Variants in PRR5 observed in about 807,000 individuals in gnomAD.
The protein encoded by PRR5 is proline rich 5.
A neutral mutation model predicts 30.6 loss-of-function variants in PRR5; 25 were observed. That is an observed-to-expected ratio of 0.82 (90% CI 0.60 to 1.14). PRR5 has a LOEUF of 1.14. Ranked by LOEUF, PRR5 falls within the 50% of genes most tolerant of loss-of-function variation. The pLI, the probability that PRR5 is intolerant of heterozygous loss-of-function variation, is 0.00. For missense variants in PRR5, 600 were observed against 547.1 expected, an observed-to-expected ratio of 1.10 and a Z score of -0.96; for synonymous variants, 286 against 247.1, an observed-to-expected ratio of 1.16 and a Z score of -1.48.
chr22:44,680,938 A>G (rs567893025), intron 1 of PRR5, among the ~76,000 whole-genome samples: 2 of 152,294 alleles, frequency 1.3e-5, no homozygotes, highest in South Asian at 2.1e-4. Flanking sequence ...TCGGACTACA[A>G]TGTGGTCTCC....
At chr22:44,701,907 G>C (rs569832865), upstream of PRR5, among the ~76,000 whole-genome samples, 2 of 151,648 alleles carry the variant, frequency 1.3e-5, no homozygotes, top group South Asian at 4.2e-4. Context: ...TCGTGTGGGC[G>C]CGACCGCAGT....
Position 44,732,310 on chromosome 22 carries a change from C to G in PRR5, c.474C>G (p.Leu158=). Residue 158 remains leucine (L), a synonymous_variant, in exon 6 of 8, where the codon CTC becomes CTG. Coordinates refer to ENST00000336985, the MANE Select transcript of PRR5 (RefSeq NM_181333.4). ...ALLHFRNAIT[L]SVKLEDALAR... is the part of the protein sequence containing the mutation. ...TGCACTTCCGGAATGCCATCACCCT[C>G]AGTGTGAAGCTAGAGGATGCGCTGG... 1 of 1,612,412 alleles carries G rather than the reference C, an allele frequency of 6.2e-7. No individual in the cohort carries two copies. Among genetic ancestry groups the G allele is most frequent in the Non-Finnish European group, 8.5e-7 (1 of 1,179,980 alleles).
intron 1 of PRR5, among the ~76,000 whole-genome samples, chr22:44,684,517 A>G (rs1234211896): frequency 1.3e-5 from 2 of 152,238 alleles, no homozygotes; most frequent in African/African-American, 4.8e-5. Flanking sequence ...ATTGTACTCC[A>G]GCCTGGGCAA....
intron 6 of PRR5, chr22:44,734,182 G>A (rs60746755): frequency 0.14 from 21,495 of 152,186 alleles, 1,950 homozygotes; most frequent in East Asian, 0.25. Flanking sequence ...TGAGGCAGGA[G>A]AATCACTTGA....
At chr22:44,702,860 G>A (rs775976849) in intron 1 of PRR5, among the ~76,000 whole-genome samples, 5 of 152,232 alleles carry the variant, frequency 3.3e-5, no homozygotes, top group Non-Finnish European at 7.3e-5. Flanking sequence ...AGCGCCCGGC[G>A]GGTGGGCGGC....
chr22:44,674,490 A>T (rs1197192671), upstream of PRR5, among the ~76,000 whole-genome samples: 1 of 152,026 alleles, frequency 6.6e-6, no homozygotes, highest in African/African-American at 2.4e-5. Flanking sequence ...TGGGAGGCTG[A>T]GGCGGGCGGA....
At chr22:44,694,122 A>T (rs1020093215) in intron 1 of PRR5, among the ~76,000 whole-genome samples, 2 of 152,308 alleles carry the variant, frequency 1.3e-5, no homozygotes, top group African/African-American at 4.8e-5. Context: ...ATACCCAAGG[A>T]CGGCCAAGAA....
intron 4 of PRR5, among the ~76,000 whole-genome samples, chr22:44,728,560 T>G (rs115396323): frequency 0.014 from 2,093 of 152,360 alleles, 52 homozygotes; most frequent in African/African-American, 0.048. Context: ...CAGAGAGGGC[T>G]GCATGGAGGC....
Position 44,737,482 on chromosome 22 carries a change from C to A in PRR5, c.*235C>A. On this transcript the variant is annotated 3_prime_UTR_variant, in exon 8 of 8. Coordinates refer to ENST00000336985, the MANE Select transcript of PRR5 (RefSeq NM_181333.4). ...GTCGGCGTTTACCCAGGGGCCGGGC[C>A]AGAGACGGGGGTCGGCCGCTCGCTC... is the stretch of plus-strand genomic sequence containing the variant. 2.4e-6 allele frequency: 2 copies of A among 840,352 alleles called. No homozygotes were observed. Among genetic ancestry groups the A allele is most frequent in the African/African-American group, 1.7e-5 (1 of 58,790 alleles). 52.1% of individuals were successfully genotyped at this position (840,352 alleles called of 1,614,324 possible). A position where few individuals can be genotyped will look rare whatever the true frequency, so the allele number is the denominator to read the frequency against.
chr22:44,675,998 C>T (rs1450085849), upstream of PRR5, among the ~76,000 whole-genome samples: 1 of 151,828 alleles, frequency 6.6e-6, no homozygotes, highest in African/African-American at 2.4e-5. Context: ...TTTTGTCCCC[C>T]ATGAGCGGGG....
intron 1 of PRR5, among the ~76,000 whole-genome samples, chr22:44,692,475 G>A (rs1397077508): frequency 8.5e-6 from 1 of 117,664 alleles, no homozygotes; most frequent in East Asian, 2.5e-4. Flanking sequence ...TCTTCCTCCC[G>A]GGGGCTCCTC....
In PRR5 at chr22:44,737,190, C is replaced by T; in HGVS notation, c.1110C>T (p.Gly370=). 6.2e-7 allele frequency: 1 copy of T among 1,612,376 alleles called. No homozygotes were observed. Among genetic ancestry groups the T allele is most frequent in the Non-Finnish European group, 8.5e-7 (1 of 1,179,694 alleles). ...SEGIFIDFGR[G]RGSGMSDLEG... ...GGATTTTCATTGACTTTGGCCGGGG[C>T]CGGGGCTCTGGCATGTCCGACTTGG... is the stretch of plus-strand genomic sequence containing the variant. The change falls in exon 8 of 8, where the codon GGC becomes GGT. Residue 370 remains glycine (G), a synonymous_variant. Transcript: ENST00000336985.
chr22:44,732,421 G>A (rs765659674), intron 6 of PRR5, 30 bp downstream of exon 6: 3 of 1,587,780 alleles, frequency 1.9e-6, no homozygotes, highest in East Asian at 2.3e-5. Flanking sequence ...GGTCGGGCAT[G>A]GGGACCGTGG....
At chr22:44,719,643 C>T (rs1276168403) in intron 2 of PRR5, among the ~76,000 whole-genome samples, 2 of 152,200 alleles carry the variant, frequency 1.3e-5, no homozygotes, top group Non-Finnish European at 2.9e-5. Flanking sequence ...GGGTGTCTGT[C>T]TGGGGCAGTC....
Position 44,736,872 on chromosome 22 carries a change from G to A in PRR5, c.792G>A (p.Gln264=). The change falls in exon 8 of 8, where the codon CAG becomes CAA. Residue 264 remains glutamine (Q), a synonymous_variant. Transcript: ENST00000336985. The part of the protein sequence containing the change: ...SYNTPLLNPV[Q]EHEAEGAAAG... Reference sequence around the variant, plus strand: ...ACACGCCTCTGCTGAACCCCGTGCAGGAGCACGAGGCGGAGGGCGCGGCGG... The same window carrying A: ...ACACGCCTCTGCTGAACCCCGTGCAAGAGCACGAGGCGGAGGGCGCGGCGG... 1.1e-5 allele frequency: 18 copies of A among 1,609,862 alleles called. No homozygotes were observed. The highest frequency in any genetic ancestry group is 1.3e-5 in the African/African-American group (1 of 75,018).
chr22:44,726,526 AC>A, intron 3 of PRR5, 50 bp from the exon 4 acceptor site: 1 of 1,612,188 alleles, frequency 6.2e-7, no homozygotes, highest in Non-Finnish European at 8.5e-7. Context: ...TGGCCAGGAC[AC>A]CCCCGGGCAT....
intron 1 of PRR5, among the ~76,000 whole-genome samples, chr22:44,710,118 G>T (rs1927935470): frequency 6.6e-6 from 1 of 152,164 alleles, no homozygotes; most frequent in African/African-American, 2.4e-5. Context: ...GGCCATGGGT[G>T]CGGCACTGTC....
intron 4 of PRR5, chr22:44,731,344 G>A (rs1026798015): frequency 6.0e-5 from 19 of 314,970 alleles, no homozygotes; most frequent in African/African-American, 3.8e-4. Flanking sequence ...ACCTGTGAAC[G>A]TCTCACCTGT....
At chr22:44,733,849 G>A (rs1922690209) in intron 6 of PRR5, among the ~76,000 whole-genome samples, 1 of 152,176 alleles carries the variant, frequency 6.6e-6, no homozygotes, top group African/African-American at 2.4e-5. Flanking sequence ...AAGAGTTCAG[G>A]CGACTTTGCT....
Sources: allele counts gnomAD v4.1 joint callset (sites outside exome capture counted in the v4.1 genomes callset), GRCh38; gene constraint gnomAD v4.1.1; transcripts MANE v1.5; gene names NCBI Gene and HGNC (gene_info 2026-07-23, HGNC 2026-07-21).